Variants in ACBD6 observed in about 807,000 individuals in gnomAD.
The protein encoded by ACBD6 is acyl-CoA-binding domain-containing protein 6.
A neutral mutation model predicts 37.2 loss-of-function variants in ACBD6; 28 were observed. That is an observed-to-expected ratio of 0.75 (90% CI 0.56 to 1.03). The LOEUF is 1.03. ACBD6 is among the 50% of genes least tolerant of loss of function. The probability of loss-of-function intolerance (pLI) is 0.00; values close to 1 mark genes in which losing one functional copy is unlikely to be tolerated. For synonymous variants in ACBD6, 113 were observed against 126.8 expected (o/e 0.89, Z 0.73); for missense variants, 340 against 337.4 (o/e 1.01, Z -0.06).
intron 3 of ACBD6, among the ~76,000 whole-genome samples, chr1:180,455,750 T>G (rs1017534850): frequency 6.6e-6 from 1 of 152,170 alleles, no homozygotes. Context: ...ATTGAATTAA[T>G]TCTAGATTAT....
chr1:180,365,522 T>A (rs1653023004), intron 6 of ACBD6, among the ~76,000 whole-genome samples: 1 of 152,188 alleles, frequency 6.6e-6, no homozygotes, highest in Non-Finnish European at 1.5e-5. Context: ...TTTATCAACA[T>A]CCTTTTTGAA....
intron 6 of ACBD6, among the ~76,000 whole-genome samples, chr1:180,331,915 A>G (rs971710903): frequency 7.2e-5 from 11 of 152,210 alleles, no homozygotes; most frequent in African/African-American, 2.4e-4. Flanking sequence ...AACTCCTACT[A>G]GAGAGTATAT....
At chr1:180,271,643 C>A in exon 14 of ACBD6, 1 of 1,458,346 alleles carries the variant, frequency 6.9e-7, no homozygotes, top group Non-Finnish European at 9.6e-7. Context: ...GGGCTTGACC[C>A]CAGGGCTTTT....
chr1:180,389,839 T>C lies in ACBD6; in HGVS notation c.663+7677A>G, dbSNP rs1243559721. ...CTGTTCATGTCCTTTGCCCACTTTTTGATGGGGTTGTTTGTTTTTTTCTTG... is the reference window on the plus strand; with the variant it reads ...CTGTTCATGTCCTTTGCCCACTTTTCGATGGGGTTGTTTGTTTTTTTCTTG... On this transcript the variant is annotated intron_variant, in intron 6 of 7. Coordinates refer to ENST00000367595, the MANE Select transcript of ACBD6 (RefSeq NM_032360.4). 2.0e-4 allele frequency among the ~76,000 whole-genome samples: 31 copies of C among 152,338 alleles called. No individual in the cohort carries two copies. In the East Asian group the frequency reaches 5.6e-3, roughly 27 times the overall value.
At chr1:180,477,881 C>A (rs903738328) in intron 3 of ACBD6, among the ~76,000 whole-genome samples, 2 of 151,912 alleles carry the variant, frequency 1.3e-5, no homozygotes, top group African/African-American at 4.8e-5. Flanking sequence ...GCAGTGTGCA[C>A]CTGTAGTCCC....
intron 5 of ACBD6, among the ~76,000 whole-genome samples, chr1:180,400,566 A>G (rs576789256): frequency 6.6e-6 from 1 of 152,292 alleles, no homozygotes; most frequent in South Asian, 2.1e-4. Flanking sequence ...AGACAAAACA[A>G]ATCAGGCTTT....
chr1:180,494,689 T>G (rs572077381), intron 2 of ACBD6, among the ~76,000 whole-genome samples: 34 of 152,286 alleles, frequency 2.2e-4, no homozygotes, highest in Non-Finnish European at 4.1e-4. Context: ...ATAACCATAT[T>G]TTATCTTTTT....
intron 3 of ACBD6, among the ~76,000 whole-genome samples, chr1:180,484,726 G>A (rs925191729): frequency 2.6e-5 from 4 of 152,046 alleles, no homozygotes; most frequent in Admixed American, 1.3e-4. Flanking sequence ...ATCTACGCAC[G>A]TATGTATACG....
At chr1:180,489,910 C>T (rs1651425730) in intron 3 of ACBD6, among the ~76,000 whole-genome samples, 1 of 152,210 alleles carries the variant, frequency 6.6e-6, no homozygotes. Context: ...CCACCCGCCT[C>T]AGCCTCCCAA....
chr1:180,452,729 G>T (rs1649762230), intron 3 of ACBD6, among the ~76,000 whole-genome samples: 1 of 152,002 alleles, frequency 6.6e-6, no homozygotes, highest in Non-Finnish European at 1.5e-5. Flanking sequence ...TGATAAAGGG[G>T]ATATCACCAC....
intron 1 of ACBD6, among the ~76,000 whole-genome samples, chr1:180,496,880 G>T (rs557038542): frequency 2.0e-4 from 31 of 151,886 alleles, no homozygotes; most frequent in South Asian, 6.2e-4. Flanking sequence ...AAAAAATCCT[G>T]CTAGGTATGC....
intron 6 of ACBD6, among the ~76,000 whole-genome samples, chr1:180,355,012 G>A (rs1402739267): frequency 2.0e-5 from 3 of 152,138 alleles, no homozygotes. Flanking sequence ...ATACCTTTCT[G>A]CATGCTGTAT....
intron 3 of ACBD6, among the ~76,000 whole-genome samples, chr1:180,453,219 C>T (rs1198931420): frequency 2.0e-5 from 3 of 152,188 alleles, no homozygotes; most frequent in Admixed American, 1.3e-4. Flanking sequence ...TTATCCACCA[C>T]GATCAAGTTG....
At chr1:180,438,549 T>C (rs950463064) in intron 3 of ACBD6, among the ~76,000 whole-genome samples, 3 of 152,158 alleles carry the variant, frequency 2.0e-5, no homozygotes, top group African/African-American at 7.2e-5. Flanking sequence ...AAGAGTTACG[T>C]GGTAGTTCAA....
intron 3 of ACBD6, among the ~76,000 whole-genome samples, chr1:180,445,674 C>T (rs1649444532): frequency 6.6e-6 from 1 of 151,870 alleles, no homozygotes; most frequent in Non-Finnish European, 1.5e-5. Context: ...CCTTTAATTC[C>T]AGCACTTTGA....
chr1:180,406,125 T>A (rs948556912), intron 5 of ACBD6, among the ~76,000 whole-genome samples: 1 of 152,122 alleles, frequency 6.6e-6, no homozygotes, highest in Non-Finnish European at 1.5e-5. Flanking sequence ...CAATGTCCAA[T>A]TACTATACCA....
chr1:180,340,017 C>T (rs917880551), intron 6 of ACBD6, among the ~76,000 whole-genome samples: 2 of 151,950 alleles, frequency 1.3e-5, no homozygotes, highest in African/African-American at 2.4e-5. Flanking sequence ...TAGGAGGGAA[C>T]AAGATGAGCA....
intron 3 of ACBD6, among the ~76,000 whole-genome samples, chr1:180,452,614 A>G (rs1649755930): frequency 2.0e-5 from 3 of 152,142 alleles, no homozygotes; most frequent in Admixed American, 2.0e-4. Flanking sequence ...CCTTCAAAAA[A>G]TAAATGAATA....
intron 7 of ACBD6, among the ~76,000 whole-genome samples, chr1:180,292,568 T>C (rs2149278907): frequency 6.6e-6 from 1 of 152,218 alleles, no homozygotes. Context: ...CATGTTTGTA[T>C]ATTGATTTTA....
Sources: gnomAD v4.1 joint callset for allele counts (sites outside exome capture counted in the v4.1 genomes callset) on GRCh38, gnomAD v4.1.1 for gene constraint, MANE v1.5 for transcripts, NCBI Gene and HGNC (gene_info 2026-07-23, HGNC 2026-07-21) for gene names.